Variants in UVSSA observed in about 807,000 individuals in gnomAD.
The protein encoded by UVSSA is UV-stimulated scaffold protein A.
In UVSSA, 72 loss-of-function variants were observed where a neutral mutation model predicts 73.9. The ratio of observed to expected loss-of-function variants is 0.97; its 90% CI spans 0.81 to 1.19. The LOEUF is 1.19. UVSSA is among the 50% of genes most tolerant of loss of function. The probability of loss-of-function intolerance (pLI) is 0.00; values close to 1 mark genes in which losing one functional copy is unlikely to be tolerated. For synonymous variants in UVSSA, 454 were observed against 391.3 expected, an observed-to-expected ratio of 1.16 and a Z score of -1.89; for missense variants, 1,150 against 965.0, an observed-to-expected ratio of 1.19 and a Z score of -2.54.
intron 5 of UVSSA, among the ~76,000 whole-genome samples, chr4:1,353,643 C>A (rs926173849): frequency 4.6e-5 from 7 of 152,326 alleles, no homozygotes; most frequent in Admixed American, 4.6e-4. Flanking sequence ...CTCATGGCAG[C>A]CCCCACCTCA....
rs1373488460 is a variant in UVSSA at position 1,394,961 on chromosome 4, C to T, written c.*9000C>T. 2.3e-5 allele frequency: 36 copies of T among 1,563,274 alleles called. 2 individuals carry two copies. Among genetic ancestry groups the T allele is most frequent in the African/African-American group, 3.1e-5 (2 of 63,814 alleles). ...CATGCGGAGTGCCCGCCTGCTCACACGTGCCCATGCGGAGTGCCCGCCTGC... is the reference window on the plus strand; with the variant it reads ...CATGCGGAGTGCCCGCCTGCTCACATGTGCCCATGCGGAGTGCCCGCCTGC... On this transcript the variant is annotated 3_prime_UTR_variant, in exon 14 of 14. Coordinates refer to the UVSSA transcript ENST00000511216.
chr4:1,349,784 G>A lies in UVSSA; in HGVS notation c.359G>A (p.Trp120Ter). Residue 120 changes from tryptophan to a stop codon, truncating the protein, a stop_gained, in exon 3 of 14, where the codon TGG (tryptophan) becomes TAG (stop). Transcript: ENST00000389851. LOFTEE classifies it high-confidence loss of function. ...RQATTRAVEGWNEKFGEAYKK... is the reference protein window; with the variant it reads ...RQATTRAVEG ...GCGACCACCCGGGCCGTGGAAGGGT[G>A]GAATGAGAAGTTTGGGGAGGCCTAC... is the stretch of plus-strand genomic sequence containing the variant. 6.2e-7 allele frequency: 1 copy of A among 1,601,402 alleles called. No homozygotes were observed. Among genetic ancestry groups the A allele is most frequent in the Non-Finnish European group, 8.5e-7 (1 of 1,172,442 alleles).
At chr4:1,358,632 C>T (rs1408473393) in intron 7 of UVSSA, 2 of 152,278 alleles carry the variant, frequency 1.3e-5, no homozygotes, top group Non-Finnish European at 2.9e-5. Flanking sequence ...CTCCTGGCTC[C>T]GCGCGGCCGC....
rs752213549 is a variant in UVSSA, at chr4:1,349,769, G to A, written c.344G>A (p.Arg115Gln). 1.2e-5 allele frequency: 19 copies of A among 1,608,442 alleles called. No individual in the cohort carries two copies. The South Asian group carries it at 1.5e-4, about 13-fold the overall frequency. The change falls in exon 3 of 14, where the codon CGG becomes CAG. Residue 115 changes from arginine to glutamine, a missense_variant. Coordinates refer to ENST00000389851, the MANE Select transcript of UVSSA (RefSeq NM_020894.4). ...AAQRLRQATT[R>Q]AVEGWNEKFG... ...CAGAGGCTGAGGCAGGCGACCACCCGGGCCGTGGAAGGGTGGAATGAGAAG... is the reference window on the plus strand; with the variant it reads ...CAGAGGCTGAGGCAGGCGACCACCCAGGCCGTGGAAGGGTGGAATGAGAAG...
downstream of UVSSA, chr4:1,389,205 T>C (rs80234197): frequency 6.6e-6 from 1 of 152,130 alleles, no homozygotes; most frequent in East Asian, 1.9e-4. Flanking sequence ...TTAAAAAAAA[T>C]TTTTTTAACT....
chr4:1,355,302 A>C, intron 7 of UVSSA, 57 bp downstream of exon 7: 39 of 1,220,574 alleles, frequency 3.2e-5, no homozygotes, highest in South Asian at 4.0e-5. Context: ...GGGGGAGGAG[A>C]AGCTGTGGGG....
upstream of UVSSA, among the ~76,000 whole-genome samples, chr4:1,344,138 T>A (rs1171839455): frequency 6.6e-6 from 1 of 152,186 alleles, no homozygotes; most frequent in Non-Finnish European, 1.5e-5. Context: ...GCTTCTAAGA[T>A]TTGTCACTAG....
Position 1,355,225 on chromosome 4 carries a change from G to C in UVSSA, c.1156G>C (p.Glu386Gln). 6.2e-7 allele frequency: 1 copy of C among 1,612,604 alleles called. No individual in the cohort carries two copies. Among genetic ancestry groups the C allele is most frequent in the Non-Finnish European group, 8.5e-7 (1 of 1,179,506 alleles). ...RKYKELDIEP[E>Q]GGERRRTEAL... ...ATACAAGGAGCTGGACATCGAGCCT[G>C]AGGGAGGGGAAAGGCGCAGGGTGAG... Residue 386 changes from glutamate to glutamine, a missense_variant, in exon 7 of 14, where the codon GAG becomes CAG. Physicochemically the swap from Glu to Gln is conservative, Grantham distance 29. Coordinates refer to ENST00000389851, the MANE Select transcript of UVSSA (RefSeq NM_020894.4).
intron 8 of UVSSA, among the ~76,000 whole-genome samples, chr4:1,373,273 A>C (rs1718360151): frequency 6.6e-6 from 1 of 152,212 alleles, no homozygotes; most frequent in African/African-American, 2.4e-5. Context: ...TCCGAGTCTC[A>C]AAACTGAAGA....
intron 4 of UVSSA, among the ~76,000 whole-genome samples, chr4:1,352,300 G>A (rs1172634223): frequency 6.6e-6 from 1 of 152,242 alleles, no homozygotes; most frequent in Non-Finnish European, 1.5e-5. Context: ...TGATGTGGGC[G>A]GAGGCACGGC....
At chr4:1,381,949 C>A (rs1430211688) in intron 12 of UVSSA, among the ~76,000 whole-genome samples, 1 of 152,184 alleles carries the variant, frequency 6.6e-6, no homozygotes, top group African/African-American at 2.4e-5. Context: ...AGATGTGAGT[C>A]CCCGCCCGGC....
At chr4:1,368,037 A>G (rs1174505109) in intron 8 of UVSSA, among the ~76,000 whole-genome samples, 2 of 152,248 alleles carry the variant, frequency 1.3e-5, no homozygotes, top group Non-Finnish European at 1.5e-5. Context: ...CCGTGGGTCC[A>G]GCCCCCGGAG....
At chr4:1,365,160 G>A (rs1357177973) in intron 7 of UVSSA, among the ~76,000 whole-genome samples, 1 of 152,254 alleles carries the variant, frequency 6.6e-6, no homozygotes, top group Non-Finnish European at 1.5e-5. Context: ...ACAGAAGCCA[G>A]TACTGCAGCA....
intron 8 of UVSSA, among the ~76,000 whole-genome samples, chr4:1,370,359 C>G (rs1292344873): frequency 6.6e-6 from 1 of 152,190 alleles, no homozygotes; most frequent in Non-Finnish European, 1.5e-5. Context: ...GAGCAACACC[C>G]GGGACACGGC....
chr4:1,380,032 T>A lies in UVSSA; in HGVS notation c.1569-15T>A, dbSNP rs367978170. 1.9e-6 allele frequency: 3 copies of A among 1,588,658 alleles called. No individual in the cohort carries two copies. The highest frequency in any genetic ancestry group is 2.7e-5 in the African/African-American group (2 of 74,536). ...TCCCTGCAGATGCTATGAGGGCCTC[T>A]GGCTGTGTCTGCAGGTCTGACTCCC... On this transcript the variant is annotated splice_polypyrimidine_tract_variant and intron_variant, in intron 10 of 13. Coordinates refer to ENST00000389851, the MANE Select transcript of UVSSA (RefSeq NM_020894.4).
rs1257167015 is a variant in UVSSA, at chr4:1,366,306, G to C, written c.1177-14G>C. The C allele has an allele frequency of 6.3e-7, 1 of 1,599,110 alleles. No homozygotes were observed. The highest frequency in any genetic ancestry group is 8.5e-7 in the Non-Finnish European group (1 of 1,169,958). On this transcript the variant is annotated splice_polypyrimidine_tract_variant and intron_variant, in intron 7 of 13. Coordinates refer to ENST00000389851, the MANE Select transcript of UVSSA (RefSeq NM_020894.4). ...GGTCTGGGGGTTGATTTGTATTGGGGTGTTTTTCCACAGACAGAAGCCCTG... is the reference window on the plus strand; with the variant it reads ...GGTCTGGGGGTTGATTTGTATTGGGCTGTTTTTCCACAGACAGAAGCCCTG...
intron 8 of UVSSA, among the ~76,000 whole-genome samples, chr4:1,367,715 G>A (rs142091755): frequency 8.3e-4 from 127 of 152,158 alleles, no homozygotes; most frequent in African/African-American, 2.3e-3. Flanking sequence ...AGGGTCCTGC[G>A]CTGCTTCTCC....
intron 7 of UVSSA, among the ~76,000 whole-genome samples, chr4:1,364,437 G>A (rs966934494): frequency 3.9e-5 from 6 of 152,220 alleles, no homozygotes; most frequent in Admixed American, 3.9e-4. Context: ...CTTTGTCTCT[G>A]GTGAACATGT....
rs541594853 is a variant in UVSSA at position 1,362,947 on chromosome 4, G to A, written c.1177-3373G>A. Among the ~76,000 whole-genome samples, 60 of 152,354 alleles carry A rather than the reference G, an allele frequency of 3.9e-4. No homozygotes were observed. The East Asian group carries it at 4.8e-3, about 12-fold the overall frequency. The stretch of plus-strand genomic sequence containing the variant: ...TTCAGCATCCCTGCCTGTCCCTGGC[G>A]TTCAGTGTGCCCAGCAGCAGATGTT... On this transcript the variant is annotated intron_variant, in intron 7 of 13. Transcript: ENST00000389851.
Sources: gnomAD v4.1 joint callset for allele counts (sites outside exome capture counted in the v4.1 genomes callset) on GRCh38, gnomAD v4.1.1 for gene constraint, MANE v1.5 for transcripts, NCBI Gene and HGNC (gene_info 2026-07-23, HGNC 2026-07-21) for gene names.